ADPRHL1: variants seen among roughly 807,000 people sequenced by gnomAD.
The protein encoded by ADPRHL1 is inactive ADP-ribosyltransferase ARH2.
A neutral mutation model predicts 44.1 loss-of-function variants in ADPRHL1; 43 were observed. The observed-to-expected ratio is 0.98, with a 90% CI of 0.76 to 1.26. The LOEUF is 1.26. Ranked by LOEUF, ADPRHL1 falls within the 50% of genes most tolerant of loss-of-function variation. The pLI, the probability that ADPRHL1 is intolerant of heterozygous loss-of-function variation, is 0.00. For missense variants in ADPRHL1, 2,022 were observed against 2,496.9 expected, an observed-to-expected ratio of 0.81 and a Z score of 4.05; for synonymous variants, 878 against 1,017.4, an observed-to-expected ratio of 0.86 and a Z score of 2.61.
rs2043754434 is a variant in ADPRHL1, at chr13:113,400,694, ACT to A, written c.*2682_*2683del. 6.6e-6 allele frequency: 1 copy of A among 152,222 alleles called. No individual in the cohort carries two copies. Among genetic ancestry groups the A allele is most frequent in the Admixed American group, 6.5e-5 (1 of 15,288 alleles). The allele number at this position is 152,222 out of a possible 1,614,324, so 9.4% of individuals were successfully genotyped here. ...ACCGTTCTCAAATCCTGGTGAAGTC[ACT>A]GGCAGTTTTTTCCTGCACACAGAGT... On this transcript the variant is annotated 3_prime_UTR_variant, in exon 8 of 8. Coordinates refer to ENST00000612156, the MANE Select transcript of ADPRHL1 (RefSeq NM_001394807.1).
intron 7 of ADPRHL1, among the ~76,000 whole-genome samples, chr13:113,410,906 G>T (rs1387730355): frequency 6.6e-6 from 1 of 152,200 alleles, no homozygotes; most frequent in South Asian, 2.1e-4. Context: ...ATGACTTGGC[G>T]GCCCGTGGAG....
At chr13:113,448,310 T>C (rs1158898744) in intron 1 of ADPRHL1, among the ~76,000 whole-genome samples, 2 of 151,414 alleles carry the variant, frequency 1.3e-5, no homozygotes, top group Admixed American at 6.6e-5. Context: ...CTGGGCAACA[T>C]AGTGAAACCC....
chr13:113,405,567 T>C lies in ADPRHL1; in HGVS notation c.3715A>G (p.Thr1239Ala), dbSNP rs1347163891. 2 of 1,232,040 alleles carry C rather than the reference T, an allele frequency of 1.6e-6. No homozygotes were observed. Among genetic ancestry groups the C allele is most frequent in the Non-Finnish European group, 2.0e-6 (2 of 988,264 alleles). The allele number at this position is 1,232,040 out of a possible 1,614,324, so 76.3% of individuals were successfully genotyped here. A position where few individuals can be genotyped will look rare whatever the true frequency, so the allele number is the denominator to read the frequency against. ...ISNTSAASRH[T>A]AAVGGRKDVA... ...TCCTTTCTGCCTCCTACAGCTGCTG[T>C]ATGTCTGCTGGCTGCTGATGTGTTT... The change falls in exon 8 of 8, where the codon ACA becomes GCA. Residue 1239 changes from threonine (T) to alanine (A), a missense_variant. Transcript: ENST00000612156.
chr13:113,409,506 T>C lies in ADPRHL1; in HGVS notation c.1062-1286A>G. 1 of 985,434 alleles carries C rather than the reference T, an allele frequency of 1.0e-6. No individual in the cohort carries two copies. Among genetic ancestry groups the C allele is most frequent in the Non-Finnish European group, 1.2e-6 (1 of 829,930 alleles). 61.0% of individuals were successfully genotyped at this position (985,434 alleles called of 1,614,324 possible). ...TCCAGGGCGGCCGCACAATGGCACG[T>C]CCACATTTGTGGGAGAAGAGTCGGT... On this transcript the variant is annotated intron_variant, in intron 7 of 7. Coordinates refer to ENST00000612156, the MANE Select transcript of ADPRHL1 (RefSeq NM_001394807.1). This position sits in a 1 kb window ranked among gnomAD's most constrained non-coding sequence, Gnocchi z 4.2.
intron 1 of ADPRHL1, among the ~76,000 whole-genome samples, chr13:113,449,809 T>C (rs1229165218): frequency 1.3e-5 from 2 of 152,208 alleles, no homozygotes; most frequent in East Asian, 3.9e-4. Context: ...CACACTGCAA[T>C]TGTTAGGATA....
At position 113,425,143 on chromosome 13, in the gene ADPRHL1, C is replaced by T. The variant is rs372373103; in HGVS notation, c.683G>A (p.Trp228Ter). 7.5e-6 allele frequency: 12 copies of T among 1,601,208 alleles called. No homozygotes were observed. Among genetic ancestry groups the T allele is most frequent in the Non-Finnish European group, 1.0e-5 (12 of 1,172,344 alleles). The change falls in exon 5 of 8, where the codon TGG becomes TAG. Residue 228 changes from tryptophan (W) to a stop codon, truncating the protein, a stop_gained. Transcript: ENST00000612156. LOFTEE classifies it high-confidence loss of function. ...QEHWFYFEAK[W>*]QFYLEERKIS... is the part of the protein sequence containing the mutation. The stretch of plus-strand genomic sequence containing the variant: ...TTTCCTCTCCTCCAAATAAAATTGC[C>T]ATTTAGCTTCAAAGTAAAACCAGTG...
intron 1 of ADPRHL1, among the ~76,000 whole-genome samples, chr13:113,446,123 GC>G (rs1254792112): frequency 1.1e-4 from 14 of 132,868 alleles, no homozygotes; most frequent in Admixed American, 2.3e-4. Context: ...ACAGCTGCAG[GC>G]CCCCCCTCCC....
chr13:113,446,223 A>C (rs1308655839), intron 1 of ADPRHL1, among the ~76,000 whole-genome samples: 1 of 140,644 alleles, frequency 7.1e-6, no homozygotes, highest in Non-Finnish European at 1.5e-5. Context: ...CCCCCTAGAG[A>C]GCGCTCAGGG....
chr13:113,418,993 TCCC>T (rs2043900203), intron 7 of ADPRHL1, among the ~76,000 whole-genome samples: 1 of 127,226 alleles, frequency 7.9e-6, no homozygotes, highest in African/African-American at 3.0e-5. Context: ...CCTCCCTCCC[TCCC>T]TCCCTTCCTC....
At chr13:113,451,627 G>A (rs1391528214) in intron 1 of ADPRHL1, among the ~76,000 whole-genome samples, 1 of 152,146 alleles carries the variant, frequency 6.6e-6, no homozygotes, top group Non-Finnish European at 1.5e-5. Context: ...GGACAACGTG[G>A]TGAAACCCCG....
In ADPRHL1 at chr13:113,453,415, A is replaced by G. The variant is rs573963358; in HGVS notation, c.23T>C (p.Met8Thr). MEKFKAA[M>T]LLGSVGDALG... is the part of the protein sequence containing the mutation. The stretch of plus-strand genomic sequence containing the variant: ...AGCATCGCCGACGCTCCCCAGCAAC[A>G]TCGCAGCCTTAAATTTCTCCATCCC... Residue 8 changes from methionine (M) to threonine (T), a missense_variant, in exon 1 of 8, where the codon ATG becomes ACG. This residue lies in a region of ADPRHL1 where 437 missense variants were observed against 430.7 expected (regional missense o/e 1.01). Transcript: ENST00000612156. The surrounding 1 kb of genome is among the most constrained non-coding windows in gnomAD (Gnocchi z 5.4). 2 of 1,614,136 alleles carry G rather than the reference A, an allele frequency of 1.2e-6. No individual in the cohort carries two copies. The highest frequency in any genetic ancestry group is 1.1e-5 in the South Asian group (1 of 91,088).
Position 113,406,597 on chromosome 13 carries a change from AC to A in ADPRHL1, c.2684del (p.Gly895ValfsTer8). On this transcript the variant is annotated frameshift_variant, in exon 8 of 8. Coordinates refer to ENST00000612156, the MANE Select transcript of ADPRHL1 (RefSeq NM_001394807.1). LOFTEE classifies it low-confidence loss of function (END_TRUNC). ...TGCTCAGTTCCACTGGGGCTCGGTGACCCCTTCTGTTCTCAGTCACGGTGGG... is the reference window on the plus strand; with the variant it reads ...TGCTCAGTTCCACTGGGGCTCGGTGACCCTTCTGTTCTCAGTCACGGTGGG... ...EFPTVTENRR[G>X]HRAPVELSKL... The A allele has an allele frequency of 6.5e-6, 8 of 1,230,300 alleles. No individual in the cohort carries two copies. The highest frequency in any genetic ancestry group is 8.1e-6 in the Non-Finnish European group (8 of 987,376). 76.2% of individuals were successfully genotyped at this position (1,230,300 alleles called of 1,614,324 possible).
chr13:113,419,851 TGTGTGTGGCATAGCACACACATGCAG>T (rs1336797820), intron 7 of ADPRHL1, among the ~76,000 whole-genome samples: 5 of 152,186 alleles, frequency 3.3e-5, no homozygotes, highest in Non-Finnish European at 7.3e-5. Flanking sequence ...AAAGAAATAG[TGTGTGTGGCATAGCACACACATGCAG>T]GTGTGTCTCA....
intron 3 of ADPRHL1, among the ~76,000 whole-genome samples, 193 bp from the exon 4 acceptor site, chr13:113,429,285 C>T (rs575058422): frequency 6.6e-6 from 1 of 152,368 alleles, no homozygotes; most frequent in Non-Finnish European, 1.5e-5. Context: ...CTGGAACTCC[C>T]CATCTTCCCA....
At position 113,404,639 on chromosome 13, in the gene ADPRHL1, G is replaced by C. The variant is rs879943441; in HGVS notation, c.4643C>G (p.Ala1548Gly). Residue 1548 changes from alanine (A) to glycine (G), a missense_variant, in exon 8 of 8, where the codon GCT becomes GGT. By Grantham distance (60) the Ala-to-Gly change is moderately conservative. Coordinates refer to ENST00000612156, the MANE Select transcript of ADPRHL1 (RefSeq NM_001394807.1). The stretch of plus-strand genomic sequence containing the variant: ...GGCCTGTTCTTGAGCGTGTCCCTGA[G>C]CCTGTCCCTGGGCCCAATTCTGAAA... The part of the protein sequence containing the change: ...KQFQNWAQGQ[A>G]QGHAQEQAQW... 2 of 1,288,820 alleles carry C rather than the reference G, an allele frequency of 1.6e-6. No individual in the cohort carries two copies. Among genetic ancestry groups the C allele is most frequent in the African/African-American group, 3.2e-5 (2 of 62,798 alleles). 79.8% of individuals were successfully genotyped at this position (1,288,820 alleles called of 1,614,324 possible).
rs1566464915 is a variant in ADPRHL1, at chr13:113,407,250, C to T, written c.2032G>A (p.Glu678Lys). ...KAVGKGPLEE[E>K]PQRQPRPSKP... ...GAGGGCCTTGGCTGTCTTTGGGGCT[C>T]CTCCTCCAGGGGCCCCTTTCCCACT... Residue 678 changes from glutamate to lysine, a missense_variant, in exon 8 of 8, where the codon GAG becomes AAG. Coordinates refer to ENST00000612156, the MANE Select transcript of ADPRHL1 (RefSeq NM_001394807.1). 2 of 1,232,174 alleles carry T rather than the reference C, an allele frequency of 1.6e-6. No homozygotes were observed. Among genetic ancestry groups the T allele is most frequent in the Non-Finnish European group, 2.0e-6 (2 of 988,108 alleles). 76.3% of individuals were successfully genotyped at this position (1,232,174 alleles called of 1,614,324 possible). A position where few individuals can be genotyped will look rare whatever the true frequency, so the allele number is the denominator to read the frequency against.
intron 4 of ADPRHL1, among the ~76,000 whole-genome samples, chr13:113,425,890 G>A (rs1354930133): frequency 4.7e-5 from 7 of 150,322 alleles, no homozygotes; most frequent in Admixed American, 1.3e-4. Context: ...CATATTGGCC[G>A]GGCTGGTCTC....
At chr13:113,413,398 G>A (rs1272132679) in intron 7 of ADPRHL1, among the ~76,000 whole-genome samples, 1 of 151,030 alleles carries the variant, frequency 6.6e-6, no homozygotes, top group East Asian at 1.9e-4. Flanking sequence ...GCCCCACGGT[G>A]ACCCACACAG....
Position 113,400,215 on chromosome 13 carries a change from G to T in ADPRHL1, c.*3163C>A, listed in dbSNP as rs190651717. 2 of 142,842 alleles carry T rather than the reference G, an allele frequency of 1.4e-5. No individual in the cohort carries two copies. The highest frequency in any genetic ancestry group is 7.2e-5 in the Admixed American group (1 of 13,954). 8.8% of individuals were successfully genotyped at this position (142,842 alleles called of 1,614,324 possible). A position where few individuals can be genotyped will look rare whatever the true frequency, so the allele number is the denominator to read the frequency against. Reference sequence around the variant, plus strand: ...GGCTGGAGTGCAGTGGCGCAATCTCGGCTCACTGCAAGCTCCACCTCCCGG... The same window carrying T: ...GGCTGGAGTGCAGTGGCGCAATCTCTGCTCACTGCAAGCTCCACCTCCCGG... On this transcript the variant is annotated 3_prime_UTR_variant, in exon 8 of 8. Transcript: ENST00000612156.
Sources: allele counts gnomAD v4.1 joint callset (sites outside exome capture counted in the v4.1 genomes callset), GRCh38; gene constraint gnomAD v4.1.1; regional missense constraint gnomAD v4.1.1; non-coding constraint Gnocchi (gnomAD v3.1); transcripts MANE v1.5; gene names NCBI Gene and HGNC (gene_info 2026-07-23, HGNC 2026-07-21).